The following GLIS3 variants were observed in gnomAD, a reference collection of about 807,000 sequenced individuals.
GLIS3 encodes GLIS family zinc finger 3.
Under a neutral mutation model 78.6 loss-of-function variants are expected in GLIS3, and 53 were observed. The observed-to-expected ratio is 0.67, with a 90% confidence interval of 0.54 to 0.85. GLIS3 has a LOEUF of 0.85. GLIS3 is among the 40% of genes least tolerant of loss of function. The pLI is 0.00. For synonymous variants in GLIS3, 684 were observed against 509.9 expected (o/e 1.34, Z -4.60); for missense variants, 1,703 against 1,231.1 (o/e 1.38, Z -5.74).
intron 2 of GLIS3, among the ~76,000 whole-genome samples, chr9:4,216,167 A>T (rs974003212): frequency 7.2e-5 from 11 of 152,096 alleles, no homozygotes; most frequent in African/African-American, 2.4e-4. Flanking sequence ...AATTAATTTC[A>T]TGCAAGAAGA....
intron 9 of GLIS3, among the ~76,000 whole-genome samples, chr9:3,834,039 A>T (rs773242311): frequency 2.0e-5 from 3 of 152,242 alleles, no homozygotes; most frequent in Non-Finnish European, 2.9e-5. Context: ...AGAAATGGCC[A>T]GCTATATACC....
chr9:3,940,391 G>A (rs893682902), intron 4 of GLIS3, among the ~76,000 whole-genome samples: 4 of 152,122 alleles, frequency 2.6e-5, no homozygotes, highest in African/African-American at 7.2e-5. Context: ...TTGGCCAGAT[G>A]CTTTCTCATC....
the GLIS3 span, among the ~76,000 whole-genome samples, chr9:4,436,657 T>A: frequency 6.6e-6 from 1 of 151,674 alleles, no homozygotes; most frequent in Non-Finnish European, 1.5e-5. Flanking sequence ...ATACAAAAAA[T>A]CAGCTGGGCA....
intron 2 of GLIS3, among the ~76,000 whole-genome samples, chr9:4,238,654 A>T (rs542121315): frequency 1.3e-5 from 2 of 152,300 alleles, no homozygotes; most frequent in East Asian, 3.9e-4. Flanking sequence ...ACAAAACAAA[A>T]CAAAATTTAC....
intron 9 of GLIS3, among the ~76,000 whole-genome samples, chr9:3,835,446 C>T (rs901872408): frequency 5.3e-5 from 8 of 152,198 alleles, no homozygotes; most frequent in Non-Finnish European, 8.8e-5. Flanking sequence ...TCCAAGACCC[C>T]TTGATATGTC....
chr9:3,868,557 A>C (rs1345609699), intron 8 of GLIS3, among the ~76,000 whole-genome samples: 2 of 152,212 alleles, frequency 1.3e-5, no homozygotes, highest in East Asian at 3.9e-4. Context: ...CTATTTGAGA[A>C]CAAGATGAAC....
At chr9:4,073,879 GCT>G (rs1385037982) in intron 4 of GLIS3, among the ~76,000 whole-genome samples, 3 of 152,180 alleles carry the variant, frequency 2.0e-5, no homozygotes, top group Non-Finnish European at 4.4e-5. Flanking sequence ...CTCAGTAATT[GCT>G]CTGTGTGTGT....
At chr9:4,291,765 G>A (rs1379274098) in intron 1 of GLIS3, among the ~76,000 whole-genome samples, 1 of 152,096 alleles carries the variant, frequency 6.6e-6, no homozygotes, top group East Asian at 1.9e-4. Flanking sequence ...GGACCTTCAG[G>A]AATACACCGC....
chr9:4,203,936 A>G (rs999621877), intron 2 of GLIS3, among the ~76,000 whole-genome samples: 1 of 152,222 alleles, frequency 6.6e-6, no homozygotes, highest in African/African-American at 2.4e-5. Flanking sequence ...GATGGCTACA[A>G]TAGAAACTGA....
the GLIS3 span, among the ~76,000 whole-genome samples, chr9:4,397,309 G>C: frequency 2.0e-5 from 3 of 151,292 alleles, no homozygotes; most frequent in South Asian, 2.1e-4. Context: ...ACAGGCGTGA[G>C]CCACCACACC....
At chr9:3,854,479 C>T (rs1390182596) in intron 9 of GLIS3, among the ~76,000 whole-genome samples, 2 of 152,004 alleles carry the variant, frequency 1.3e-5, no homozygotes, top group South Asian at 4.1e-4. Flanking sequence ...TCTCTTCCTT[C>T]CTACAGCTGG....
chr9:4,224,347 T>G (rs924325142), intron 2 of GLIS3, among the ~76,000 whole-genome samples: 2 of 152,218 alleles, frequency 1.3e-5, no homozygotes, highest in Admixed American at 1.3e-4. Context: ...ATTTCAATGA[T>G]TTGTCATCTG....
At chr9:4,163,754 A>G (rs1248521642) in intron 2 of GLIS3, among the ~76,000 whole-genome samples, 2 of 152,238 alleles carry the variant, frequency 1.3e-5, no homozygotes, top group Non-Finnish European at 2.9e-5. Flanking sequence ...ATTCTTGAGA[A>G]AATTAGGTAT....
the GLIS3 span, among the ~76,000 whole-genome samples, chr9:4,408,099 C>G: frequency 1.5e-4 from 23 of 152,156 alleles, no homozygotes; most frequent in African/African-American, 4.1e-4. Flanking sequence ...TGGCTTTTAT[C>G]CAAGTCAGGC....
intron 4 of GLIS3, among the ~76,000 whole-genome samples, chr9:4,003,592 T>A (rs1220049726): frequency 1.3e-5 from 2 of 152,198 alleles, no homozygotes; most frequent in Non-Finnish European, 2.9e-5. Context: ...CCTTCTAACA[T>A]CTTGCTCAAT....
chr9:3,917,213 T>C (rs976612424), intron 6 of GLIS3, among the ~76,000 whole-genome samples: 1 of 152,216 alleles, frequency 6.6e-6, no homozygotes, highest in African/African-American at 2.4e-5. Context: ...AATGTAAATA[T>C]CATTGCTTTG....
In GLIS3 at chr9:3,879,565, C is replaced by T. The variant is rs200316055; in HGVS notation, c.2159G>A (p.Arg720Gln). 5.0e-5 allele frequency: 81 copies of T among 1,614,000 alleles called. No individual in the cohort carries two copies. The East Asian group carries it at 8.0e-4, about 16-fold the overall frequency. ...TACGGCCCCAGCAGCTGTTCCACTT[C>T]GGCTTGAATAATTGCTGGAGAAAAT... Reference protein sequence around the residue: ...APIFSSNYSSRSGTAAGAVPP... With the variant: ...APIFSSNYSSQSGTAAGAVPP... The change falls in exon 8 of 11, where the codon CGA (arginine) becomes CAA (glutamine). Residue 720 changes from arginine (R) to glutamine (Q), a missense_variant. Coordinates refer to ENST00000381971, the MANE Select transcript of GLIS3 (RefSeq NM_001042413.2).
At chr9:3,985,306 C>G (rs959482505) in intron 4 of GLIS3, among the ~76,000 whole-genome samples, 6 of 152,072 alleles carry the variant, frequency 3.9e-5, no homozygotes, top group African/African-American at 1.2e-4. Flanking sequence ...CCACACCTGG[C>G]TAATTGTTTT....
At chr9:4,140,845 T>C (rs1030215182) in intron 2 of GLIS3, among the ~76,000 whole-genome samples, 4 of 150,950 alleles carry the variant, frequency 2.6e-5, no homozygotes, top group Admixed American at 2.0e-4. Flanking sequence ...ATTGCCCAGA[T>C]TGGAGTGCAG....
Sources: allele counts gnomAD v4.1 joint callset (sites outside exome capture counted in the v4.1 genomes callset), GRCh38; gene constraint gnomAD v4.1.1; transcripts MANE v1.5; gene names NCBI Gene and HGNC (gene_info 2026-07-23, HGNC 2026-07-21).